Variants in NFIB observed in about 807,000 individuals in gnomAD.
NFIB encodes nuclear factor I B, also known as nuclear factor 1 B-type.
A neutral mutation model predicts 61.5 loss-of-function variants in NFIB; 11 were observed. That is an observed-to-expected ratio of 0.18 (90% CI 0.11 to 0.30). NFIB has a LOEUF of 0.30. Among genes scored for constraint, NFIB ranks in the 10% least tolerant of loss-of-function variants. The pLI is 1.00. For synonymous variants in NFIB, 260 were observed against 216.5 expected (o/e 1.20, Z -1.76); for missense variants, 471 against 608.9 (o/e 0.77, Z 2.38).
the NFIB span, among the ~76,000 whole-genome samples, chr9:14,418,781 C>T: frequency 3.9e-5 from 6 of 152,144 alleles, no homozygotes; most frequent in Non-Finnish European, 7.3e-5. Context: ...TTGTCATAAA[C>T]GCTGGGAACA....
chr9:14,341,763 A>C (rs2060953265), intron 1 of NFIB, among the ~76,000 whole-genome samples: 1 of 152,140 alleles, frequency 6.6e-6, no homozygotes. Context: ...CGGGCTTGCC[A>C]GTTGCTGTTA....
exon 1 of NFIB, chr9:14,398,823 A>T (rs1356339272): frequency 2.0e-6 from 1 of 505,674 alleles, no homozygotes; most frequent in Non-Finnish European, 3.5e-6. Flanking sequence ...TAAAAACAAA[A>T]TAGAACAAGA....
At chr9:14,188,946 C>T (rs991653748) in intron 2 of NFIB, among the ~76,000 whole-genome samples, 3 of 152,022 alleles carry the variant, frequency 2.0e-5, no homozygotes, top group Admixed American at 6.6e-5. Context: ...GAAGGCAAAT[C>T]GAAAAATCAA....
chr9:14,165,859 G>A (rs557221648), intron 3 of NFIB, among the ~76,000 whole-genome samples: 1 of 152,306 alleles, frequency 6.6e-6, no homozygotes, highest in East Asian at 1.9e-4. Context: ...GGAGAGTAGG[G>A]AATGGAGAGC....
the NFIB span, among the ~76,000 whole-genome samples, chr9:14,491,315 G>A: frequency 1.3e-5 from 2 of 152,050 alleles, no homozygotes; most frequent in African/African-American, 4.8e-5. Flanking sequence ...TCAAGAAACA[G>A]ATTTGAACTA....
At chr9:14,265,228 A>G (rs1454263142) in intron 2 of NFIB, among the ~76,000 whole-genome samples, 1 of 152,230 alleles carries the variant, frequency 6.6e-6, no homozygotes, top group African/African-American at 2.4e-5. Context: ...TAAATGATGA[A>G]CAGTATTCAG....
At chr9:14,404,919 G>T in the NFIB span, among the ~76,000 whole-genome samples, 1 of 152,162 alleles carries the variant, frequency 6.6e-6, no homozygotes, top group African/African-American at 2.4e-5. Context: ...TCTGTTGTTT[G>T]GCATGATTTT....
At chr9:14,352,768 C>A (rs1311730446) in intron 1 of NFIB, among the ~76,000 whole-genome samples, 2 of 152,244 alleles carry the variant, frequency 1.3e-5, no homozygotes, top group Non-Finnish European at 2.9e-5. Context: ...AACTTGGAAT[C>A]TCTCTATGTA....
intron 1 of NFIB, among the ~76,000 whole-genome samples, chr9:14,383,163 G>A (rs1426544796): frequency 1.3e-5 from 2 of 152,196 alleles, no homozygotes; most frequent in African/African-American, 4.8e-5. Flanking sequence ...AAGCTCGGTA[G>A]CAAATTCAAT....
chr9:14,094,096 T>C (rs1021139233), intron 10 of NFIB: 2 of 152,074 alleles, frequency 1.3e-5, no homozygotes, highest in African/African-American at 4.8e-5. Context: ...CCAACTCGTA[T>C]TGCTATTAAA....
intron 6 of NFIB, among the ~76,000 whole-genome samples, chr9:14,128,593 G>A (rs1247379374): frequency 6.6e-6 from 1 of 151,658 alleles, no homozygotes; most frequent in African/African-American, 2.4e-5. Context: ...AGCTACTTGG[G>A]AGGCTGAGGC....
At chr9:14,092,589 G>T (rs1449502206) in intron 10 of NFIB, among the ~76,000 whole-genome samples, 1 of 152,078 alleles carries the variant, frequency 6.6e-6, no homozygotes, top group Non-Finnish European at 1.5e-5. Context: ...AGAGTGGTCT[G>T]AAGGCAAAAT....
intron 2 of NFIB, among the ~76,000 whole-genome samples, chr9:14,187,053 G>A (rs931028928): frequency 1.3e-5 from 2 of 149,514 alleles, no homozygotes; most frequent in African/African-American, 4.9e-5. Flanking sequence ...GTGTGTGTGT[G>A]TGTGTGTGTG....
At chr9:14,522,244 CT>C in the NFIB span, among the ~76,000 whole-genome samples, 1 of 152,264 alleles carries the variant, frequency 6.6e-6, no homozygotes, top group South Asian at 2.1e-4. Flanking sequence ...GCTCTGTTGG[CT>C]TTTTTCCCAC....
At chr9:14,478,503 T>C in the NFIB span, among the ~76,000 whole-genome samples, 1 of 152,178 alleles carries the variant, frequency 6.6e-6, no homozygotes, top group Non-Finnish European at 1.5e-5. Context: ...AGATCTTGTA[T>C]AAAAATGGGA....
In NFIB at chr9:14,082,984, C is replaced by A. The variant is rs2032247640; in HGVS notation, c.*5325G>T. On this transcript the variant is annotated 3_prime_UTR_variant, in exon 11 of 11. Transcript: ENST00000380953. ...TGCAATAAGTCATCAAGGGCTTAGT[C>A]TAGTGTACCGGTAAGCTAGTGGCAC... 1 of 204,940 alleles carries A rather than the reference C, an allele frequency of 4.9e-6. No individual in the cohort carries two copies. The highest frequency in any genetic ancestry group is 1.9e-4 in the South Asian group (1 of 5,260). The allele number at this position is 204,940 out of a possible 1,614,324, so 12.7% of individuals were successfully genotyped here.
chr9:14,457,717 C>G, the NFIB span, among the ~76,000 whole-genome samples: 8 of 152,036 alleles, frequency 5.3e-5, no homozygotes, highest in African/African-American at 1.9e-4. Context: ...TACAAACTAC[C>G]ATCAGAGAAT....
rs574154366 is a variant in NFIB at position 14,104,895 on chromosome 9, T to G, written c.1467+8104A>C. 3.3e-5 allele frequency among the ~76,000 whole-genome samples: 5 copies of G among 152,276 alleles called. No individual in the cohort carries two copies. In the East Asian group the frequency reaches 7.7e-4, roughly 23 times the overall value. On this transcript the variant is annotated intron_variant, in intron 10 of 10. Transcript: ENST00000380953. Reference sequence around the variant, plus strand: ...ATTATGTTAATTATTAACTTCAGATTAGTATCTATGGGGCTCTCAGCTTAG... The same window carrying G: ...ATTATGTTAATTATTAACTTCAGATGAGTATCTATGGGGCTCTCAGCTTAG...
chr9:14,409,707 C>T, the NFIB span, among the ~76,000 whole-genome samples: 1 of 152,128 alleles, frequency 6.6e-6, no homozygotes, highest in Non-Finnish European at 1.5e-5. Context: ...ACTCCAACAA[C>T]ATAGTTGGGA....
Sources: gnomAD v4.1 joint callset for allele counts (sites outside exome capture counted in the v4.1 genomes callset) on GRCh38, gnomAD v4.1.1 for gene constraint, MANE v1.5 for transcripts, NCBI Gene and HGNC (gene_info 2026-07-23, HGNC 2026-07-21) for gene names.